Variants in DTNB observed in about 807,000 individuals in gnomAD.
The protein encoded by DTNB is DTN-B.
Under a neutral mutation model 90.7 loss-of-function variants are expected in DTNB, and 63 were observed. The observed-to-expected ratio is 0.69, with a 90% confidence interval of 0.57 to 0.86. The LOEUF (loss-of-function observed/expected upper bound fraction) is 0.86, where lower values mean the gene tolerates loss of function less well. Among genes scored for constraint, DTNB ranks in the 40% least tolerant of loss-of-function variants. The pLI is 0.00. For missense variants in DTNB, 744 were observed against 807.1 expected (o/e 0.92, Z 0.95); for synonymous variants, 277 against 286.7 (o/e 0.97, Z 0.34).
At chr2:25,454,053 G>A (rs1335247865) in intron 11 of DTNB, among the ~76,000 whole-genome samples, 2 of 151,984 alleles carry the variant, frequency 1.3e-5, no homozygotes, top group African/African-American at 4.8e-5. Context: ...GGGAGGTTGA[G>A]GCAGGAGAAT....
intron 10 of DTNB, among the ~76,000 whole-genome samples, chr2:25,465,514 C>T (rs2061627739): frequency 6.6e-6 from 1 of 152,166 alleles, no homozygotes; most frequent in South Asian, 2.1e-4. Context: ...AAAATCAAAT[C>T]CCATCTCCCC....
intron 12 of DTNB, among the ~76,000 whole-genome samples, chr2:25,440,442 A>G (rs114326108): frequency 1.3e-5 from 2 of 152,172 alleles, no homozygotes; most frequent in Non-Finnish European, 2.9e-5. Flanking sequence ...GAAATTTTGT[A>G]CTCTTGCATC....
intron 4 of DTNB, among the ~76,000 whole-genome samples, chr2:25,614,684 A>G (rs370875939): frequency 1.6e-4 from 25 of 152,260 alleles, no homozygotes; most frequent in African/African-American, 4.1e-4. Flanking sequence ...GGTTCAGTGT[A>G]ATTTAAATGC....
chr2:25,634,705 T>C (rs2076757801), intron 3 of DTNB, among the ~76,000 whole-genome samples: 1 of 116,194 alleles, frequency 8.6e-6, no homozygotes, highest in Non-Finnish European at 2.0e-5. Context: ...CATTTTGTTC[T>C]GTACTATGAA....
At chr2:25,646,840 G>A (rs548984524) in intron 2 of DTNB, among the ~76,000 whole-genome samples, 5 of 152,066 alleles carry the variant, frequency 3.3e-5, no homozygotes, top group African/African-American at 7.2e-5. Context: ...GCTGTGTCAC[G>A]GGCCATGGTC....
In DTNB at chr2:25,433,897, T is replaced by A; in HGVS notation, c.1343+13A>T. 2 of 1,613,512 alleles carry A rather than the reference T, an allele frequency of 1.2e-6. No individual in the cohort carries two copies. Among genetic ancestry groups the A allele is most frequent in the South Asian group, 2.2e-5 (2 of 91,054 alleles). ...CTGGACTCTGGAAGTGGGCTCAGCC[T>A]CTGCGTTCTTACCTGTTTTTGTTTT... On this transcript the variant is annotated intron_variant, in intron 13 of 20. Coordinates refer to ENST00000406818, the MANE Select transcript of DTNB (RefSeq NM_021907.5).
At chr2:25,507,800 C>A (rs541337365) in intron 9 of DTNB, among the ~76,000 whole-genome samples, 3 of 152,336 alleles carry the variant, frequency 2.0e-5, no homozygotes, top group African/African-American at 7.2e-5. Flanking sequence ...AGACCCTCTA[C>A]CATCTAGCCC....
intron 16 of DTNB, among the ~76,000 whole-genome samples, chr2:25,413,872 T>C (rs2047221755): frequency 6.6e-6 from 1 of 152,262 alleles, no homozygotes; most frequent in South Asian, 2.1e-4. Flanking sequence ...TCCACAATGG[T>C]TGAACTAGTT....
At chr2:25,447,925 A>G (rs1026233577) in intron 12 of DTNB, among the ~76,000 whole-genome samples, 1 of 152,154 alleles carries the variant, frequency 6.6e-6, no homozygotes, top group African/African-American at 2.4e-5. Flanking sequence ...TTGCCACACA[A>G]ATTCCTGACA....
rs73922446 is a variant in DTNB at position 25,622,579 on chromosome 2, C to A, written c.362+5592G>T. 2.9e-3 allele frequency among the ~76,000 whole-genome samples: 446 copies of A among 152,230 alleles called. 3 individuals are homozygous for A. Among genetic ancestry groups the A allele is most frequent in the African/African-American group, 0.01 (432 of 41,528 alleles). On this transcript the variant is annotated intron_variant, in intron 4 of 20. Coordinates refer to ENST00000406818, the MANE Select transcript of DTNB (RefSeq NM_021907.5). ...AACTGTAAGGCACCCCATACTCCTACGTGGGAAGAACCTGATCCCCTTTTC... is the reference window on the plus strand; with the variant it reads ...AACTGTAAGGCACCCCATACTCCTAAGTGGGAAGAACCTGATCCCCTTTTC...
At chr2:25,577,315 T>C (rs969805465) in intron 7 of DTNB, among the ~76,000 whole-genome samples, 16 of 152,076 alleles carry the variant, frequency 1.1e-4, no homozygotes, top group African/African-American at 3.9e-4. Context: ...CACATGCCTG[T>C]AATCTCAGTT....
intron 9 of DTNB, among the ~76,000 whole-genome samples, chr2:25,509,449 G>A (rs1039520119): frequency 5.9e-5 from 9 of 152,202 alleles, no homozygotes; most frequent in Admixed American, 6.5e-5. Flanking sequence ...TTCCTTTAGC[G>A]AGGTTCCTTT....
chr2:25,648,794 A>G (rs1345200989), intron 2 of DTNB, among the ~76,000 whole-genome samples: 2 of 152,152 alleles, frequency 1.3e-5, no homozygotes, highest in Non-Finnish European at 2.9e-5. Flanking sequence ...AACATCTGAT[A>G]AAATTCAATA....
At chr2:25,591,061 C>T (rs1013986305) in intron 6 of DTNB, among the ~76,000 whole-genome samples, 1 of 152,230 alleles carries the variant, frequency 6.6e-6, no homozygotes, top group Non-Finnish European at 1.5e-5. Context: ...GCACACCTGG[C>T]CAGGCTGCAA....
In DTNB at chr2:25,487,211, T is replaced by C. The variant is rs111613280; in HGVS notation, c.1002-4338A>G. On this transcript the variant is annotated intron_variant, in intron 9 of 20. Coordinates refer to ENST00000406818, the MANE Select transcript of DTNB (RefSeq NM_021907.5). The stretch of plus-strand genomic sequence containing the variant: ...ATGCAAGCAAATCATCACAATGCCA[T>C]GTAATGAGTGCAGCAATGAAGTATG... Among the ~76,000 whole-genome samples, 317 of 152,316 alleles carry C rather than the reference T, an allele frequency of 2.1e-3. 1 individual carries two copies. Among genetic ancestry groups the C allele is most frequent in the African/African-American group, 7.1e-3 (297 of 41,572 alleles).
intron 15 of DTNB, chr2:25,421,008 G>C (rs1300724897): frequency 6.6e-6 from 1 of 152,248 alleles, no homozygotes; most frequent in Non-Finnish European, 1.5e-5. Flanking sequence ...ACTGTGGTCA[G>C]GGAGACTCAG....
Position 25,604,772 on chromosome 2 carries a change from TAG to T in DTNB, c.448+2462_448+2463del, listed in dbSNP as rs747589924. Among the ~76,000 whole-genome samples the T allele has an allele frequency of 3.3e-5, 5 of 152,220 alleles. No individual in the cohort carries two copies. In the East Asian group the frequency reaches 9.7e-4, roughly 29 times the overall value. On this transcript the variant is annotated intron_variant, in intron 5 of 20. Transcript: ENST00000406818. ...GCCCAGCTAATTTTTGTATTTTTAG[TAG>T]AGACAAGGTTTCACCATGTTGGCCA... is the stretch of plus-strand genomic sequence containing the variant.
At chr2:25,558,105 G>A in intron 8 of DTNB, 1 of 729,482 alleles carries the variant, frequency 1.4e-6, no homozygotes. Context: ...CTCATCAAAG[G>A]CGATCCAAAG....
chr2:25,511,144 C>A (rs1418254882), intron 9 of DTNB, among the ~76,000 whole-genome samples: 8 of 152,192 alleles, frequency 5.3e-5, no homozygotes, highest in Admixed American at 3.9e-4. Context: ...AGTGCCCACA[C>A]AACCAGATGA....
Sources: gnomAD v4.1 joint callset for allele counts (sites outside exome capture counted in the v4.1 genomes callset) on GRCh38, gnomAD v4.1.1 for gene constraint, MANE v1.5 for transcripts, NCBI Gene and HGNC (gene_info 2026-07-23, HGNC 2026-07-21) for gene names.